The following CEP295 variants were observed in gnomAD, a reference collection of about 807,000 sequenced individuals.
CEP295 encodes centrosomal protein of 295 kDa.
A neutral mutation model predicts 291.6 loss-of-function variants in CEP295; 190 were observed. The observed-to-expected ratio is 0.65, with a 90% confidence interval of 0.58 to 0.73. The LOEUF is 0.73. CEP295 is among the 30% of genes least tolerant of loss of function. CEP295 has a pLI of 0.00. For synonymous variants in CEP295, 993 were observed against 1,038.8 expected (o/e 0.96, Z 0.85); for missense variants, 2,863 against 2,949.4 (o/e 0.97, Z 0.68).
rs562800734 is a variant in CEP295, at chr11:93,719,315, T to C, written c.5750-1997T>C. 2.6e-4 allele frequency among the ~76,000 whole-genome samples: 40 copies of C among 150,966 alleles called. No individual in the cohort carries two copies. In the South Asian group the frequency reaches 7.6e-3, roughly 29 times the overall value. ...CAGTTGTTCACACTGTTGCCCAGGC[T>C]AGAGTGCAGTGGTGCCATTATAGCT... On this transcript the variant is annotated intron_variant, in intron 18 of 29. Coordinates refer to ENST00000325212, the MANE Select transcript of CEP295 (RefSeq NM_033395.2).
intron 10 of CEP295, among the ~76,000 whole-genome samples, chr11:93,688,243 A>T (rs976175252): frequency 6.6e-6 from 1 of 152,182 alleles, no homozygotes; most frequent in African/African-American, 2.4e-5. Flanking sequence ...TGATCAAAGG[A>T]TATATGAGCA....
chr11:93,729,602 T>C lies in CEP295; in HGVS notation c.7400-12T>C. 6.5e-7 allele frequency: 1 copy of C among 1,549,992 alleles called. No homozygotes were observed. Among genetic ancestry groups the C allele is most frequent in the Non-Finnish European group, 8.7e-7 (1 of 1,146,266 alleles). On this transcript the variant is annotated splice_polypyrimidine_tract_variant and intron_variant, in intron 26 of 29. Transcript: ENST00000325212. The stretch of plus-strand genomic sequence containing the variant: ...TGCCTATTTCTGTCATAAATTTCTT[T>C]TCCCCCAGCAGAAACCCCTCGCAGG...
In CEP295 at chr11:93,727,231, A is replaced by G. The variant is rs1487221876; in HGVS notation, c.6755A>G (p.Asn2252Ser). The change falls in exon 24 of 30, where the codon AAT (asparagine) becomes AGT (serine). Residue 2252 changes from asparagine (N) to serine (S), a missense_variant. Around this residue, in one of 3 missense-constraint regions of CEP295, gnomAD observed 2,295 missense variants for 2,335.7 expected, o/e 0.98. Transcript: ENST00000325212. ...SDEANVFDQL[N>S]VQHSTPCGSN... ...GAAGCTAATGTATTTGATCAGTTAA[A>G]TGTACAGCATAGCACTCCATGTGGT... 6.4e-7 allele frequency: 1 copy of G among 1,551,620 alleles called. No individual in the cohort carries two copies. Among genetic ancestry groups the G allele is most frequent in the Admixed American group, 2.0e-5 (1 of 50,982 alleles).
chr11:93,691,829 T>C, intron 11 of CEP295, 54 bp downstream of exon 11: 1 of 1,309,188 alleles, frequency 7.6e-7, no homozygotes, highest in Non-Finnish European at 1.1e-6. Flanking sequence ...CATCTTTTTT[T>C]TAAATAAAAT....
intron 6 of CEP295, 124 bp downstream of exon 6, chr11:93,675,790 A>G: frequency 6.8e-6 from 3 of 438,448 alleles, no homozygotes; most frequent in Non-Finnish European, 3.9e-6. Context: ...GATAATAATA[A>G]TCAAAACCTT....
intron 18 of CEP295, among the ~76,000 whole-genome samples, chr11:93,708,427 A>T (rs1952665709): frequency 6.6e-6 from 1 of 152,124 alleles, no homozygotes; most frequent in African/African-American, 2.4e-5. Context: ...TGTATGGCTT[A>T]TTTCACTTAA....
intron 17 of CEP295, among the ~76,000 whole-genome samples, chr11:93,705,530 G>A (rs775045015): frequency 1.3e-5 from 2 of 151,818 alleles, no homozygotes; most frequent in Non-Finnish European, 2.9e-5. Flanking sequence ...TTGAACTTTT[G>A]ATGATCAAAT....
chr11:93,698,160 T>C lies in CEP295; in HGVS notation c.3248T>C (p.Leu1083Ser). The C allele has an allele frequency of 6.4e-7, 1 of 1,552,172 alleles. No homozygotes were observed. Among genetic ancestry groups the C allele is most frequent in the Non-Finnish European group, 8.7e-7 (1 of 1,147,094 alleles). Residue 1083 changes from leucine to serine, a missense_variant, in exon 15 of 30, where the codon TTA becomes TCA. Coordinates refer to ENST00000325212, the MANE Select transcript of CEP295 (RefSeq NM_033395.2). ...CATGAAGCTCAGGTGGAATTACTTTTACATAGACAAAGAGATTTGGGGGAC... is the reference window on the plus strand; with the variant it reads ...CATGAAGCTCAGGTGGAATTACTTTCACATAGACAAAGAGATTTGGGGGAC... ...ARHEAQVELL[L>S]HRQRDLGDSK...
At position 93,697,030 on chromosome 11, in the gene CEP295, A is replaced by C. The variant is rs1477369535; in HGVS notation, c.2118A>C (p.Ser706=). Residue 706 remains serine, a synonymous_variant, in exon 15 of 30, where the codon TCA becomes TCC. Transcript: ENST00000325212. ...SDILTNQALE[S]QEHLRQFSQT... is the part of the protein sequence containing the mutation. Reference sequence around the variant, plus strand: ...TTTTAACCAATCAAGCTTTAGAATCACAAGAACATCTAAGGCAATTCTCTC... The same window carrying C: ...TTTTAACCAATCAAGCTTTAGAATCCCAAGAACATCTAAGGCAATTCTCTC... 6.4e-7 allele frequency: 1 copy of C among 1,551,632 alleles called. No individual in the cohort carries two copies. Among genetic ancestry groups the C allele is most frequent in the South Asian group, 1.2e-5 (1 of 84,064 alleles).
chr11:93,676,692 C>G (rs528477381), intron 6 of CEP295, among the ~76,000 whole-genome samples: 32 of 152,058 alleles, frequency 2.1e-4, no homozygotes, highest in African/African-American at 6.0e-4. Flanking sequence ...AACTGCTTTA[C>G]TGTTTACTGC....
intron 12 of CEP295, among the ~76,000 whole-genome samples, chr11:93,694,930 G>C (rs1951774775): frequency 6.6e-6 from 1 of 152,142 alleles, no homozygotes; most frequent in Non-Finnish European, 1.5e-5. Flanking sequence ...ACTCAAACAT[G>C]TTCATATTAC....
At chr11:93,701,366 AAAAT>A (rs1952146597) in intron 15 of CEP295, among the ~76,000 whole-genome samples, 3 of 152,208 alleles carry the variant, frequency 2.0e-5, no homozygotes, top group African/African-American at 4.8e-5. Context: ...CTATCTCAAA[AAAAT>A]AAATAAATGA....
rs1938064101 is a variant in CEP295 at position 93,729,494 on chromosome 11, G to C, written c.7363G>C (p.Glu2455Gln). The C allele has an allele frequency of 2.6e-6, 4 of 1,551,902 alleles. No homozygotes were observed. Among genetic ancestry groups the C allele is most frequent in the Non-Finnish European group, 3.5e-6 (4 of 1,147,010 alleles). Residue 2455 changes from glutamate (E) to glutamine (Q), a missense_variant, in exon 26 of 30, where the codon GAA becomes CAA. Glu to Gln is a conservative substitution (Grantham distance 29). This residue lies in a region of CEP295 where 2,295 missense variants were observed against 2,335.7 expected (regional missense o/e 0.98). Transcript: ENST00000325212. ...TEASDYPAVSELSIEKPRTAS... is the reference protein window; with the variant it reads ...TEASDYPAVSQLSIEKPRTAS... ...AGCCTCAGATTATCCAGCTGTATCA[G>C]AACTTTCCATAGAAAAACCAAGGAC...
rs1405494616 is a variant in CEP295, at chr11:93,723,141, T to C, written c.6048T>C (p.Asp2016=). The stretch of plus-strand genomic sequence containing the variant: ...GTTCCATAGTTCCTTCAACACAAGA[T>C]ATTTATCAGCGGCAGAACTCTTCAG... The part of the protein sequence containing the change: ...IISSIVPSTQ[D]IYQRQNSSDV... The change falls in exon 21 of 30, where the codon GAT becomes GAC. Residue 2016 remains aspartate, a synonymous_variant. Transcript: ENST00000325212. The C allele has an allele frequency of 5.8e-6, 9 of 1,552,088 alleles. 1 individual carries two copies. The South Asian group carries it at 1.1e-4, about 18-fold the overall frequency.
At chr11:93,701,036 A>G (rs966263634) in intron 15 of CEP295, among the ~76,000 whole-genome samples, 2 of 152,090 alleles carry the variant, frequency 1.3e-5, no homozygotes, top group Non-Finnish European at 2.9e-5. Flanking sequence ...AGACAAGGGT[A>G]TGTTCTAAAT....
intron 22 of CEP295, among the ~76,000 whole-genome samples, chr11:93,724,938 C>G (rs953383705): frequency 6.6e-6 from 1 of 152,188 alleles, no homozygotes; most frequent in East Asian, 1.9e-4. Flanking sequence ...CCAAGTGATT[C>G]TAATGTGGAA....
intron 5 of CEP295, among the ~76,000 whole-genome samples, chr11:93,672,112 A>G (rs556368699): frequency 1.6e-3 from 247 of 152,366 alleles, no homozygotes; most frequent in African/African-American, 5.7e-3. Flanking sequence ...TAACGTAACC[A>G]AAGTCCTTTA....
At chr11:93,711,698 T>A (rs1293442538) in intron 18 of CEP295, among the ~76,000 whole-genome samples, 1 of 152,152 alleles carries the variant, frequency 6.6e-6, no homozygotes, top group Non-Finnish European at 1.5e-5. Flanking sequence ...AGATGGAGTT[T>A]CACCATATTG....
At chr11:93,672,578 G>A (rs761770105) in intron 5 of CEP295, among the ~76,000 whole-genome samples, 26 of 152,148 alleles carry the variant, frequency 1.7e-4, no homozygotes, top group South Asian at 1.0e-3. Flanking sequence ...ATGTGCCACA[G>A]TGCCTGGCAT....
Sources: gnomAD v4.1 joint callset for allele counts (sites outside exome capture counted in the v4.1 genomes callset) on GRCh38, gnomAD v4.1.1 for gene constraint, gnomAD v4.1.1 regional missense constraint, MANE v1.5 for transcripts, NCBI Gene and HGNC (gene_info 2026-07-23, HGNC 2026-07-21) for gene names.